Variants in CAST observed in about 807,000 individuals in gnomAD.
The protein encoded by CAST is MIR583 host.
Under a neutral mutation model 119.6 loss-of-function variants are expected in CAST, and 76 were observed. That is an observed-to-expected ratio of 0.64 (90% CI 0.53 to 0.77). The LOEUF (loss-of-function observed/expected upper bound fraction) is 0.77. Among genes scored for constraint, CAST ranks in the 30% least tolerant of loss-of-function variants. The probability of loss-of-function intolerance (pLI) is 0.00; values close to 1 mark genes in which losing one functional copy is unlikely to be tolerated. For synonymous variants in CAST, 319 were observed against 331.6 expected, an observed-to-expected ratio of 0.96 and a Z score of 0.41; for missense variants, 953 against 946.5, an observed-to-expected ratio of 1.01 and a Z score of -0.09.
At chr5:96,349,138 T>TA in the CAST span, among the ~76,000 whole-genome samples, 64 of 81,350 alleles carry the variant, frequency 7.9e-4, no homozygotes, top group African/African-American at 3.1e-3. Context: ...ACAAGGACAC[T>TA]ATTTTTTTTT....
chr5:96,228,009 G>C, the CAST span, among the ~76,000 whole-genome samples: 3 of 148,364 alleles, frequency 2.0e-5, no homozygotes, highest in Non-Finnish European at 3.0e-5. Context: ...CTCTCTGTGT[G>C]TGTGTGTGTG....
chr5:96,170,757 A>T, the CAST span, among the ~76,000 whole-genome samples: 2 of 152,312 alleles, frequency 1.3e-5, no homozygotes, highest in African/African-American at 4.8e-5. Context: ...GAGAGGTTGG[A>T]TAAAGGAAAA....
the CAST span, among the ~76,000 whole-genome samples, chr5:96,507,473 A>G: frequency 1.3e-5 from 2 of 152,180 alleles, no homozygotes; most frequent in Admixed American, 1.3e-4. Flanking sequence ...ACTTTTATAA[A>G]TGGGAATGAA....
intron 1 of CAST, among the ~76,000 whole-genome samples, chr5:96,564,204 C>T (rs1746430988): frequency 6.6e-6 from 1 of 152,146 alleles, no homozygotes; most frequent in South Asian, 2.1e-4. Flanking sequence ...GAAATAGGTA[C>T]AGTGAGGAAT....
the CAST span, among the ~76,000 whole-genome samples, chr5:96,217,978 G>GA: frequency 1.3e-5 from 2 of 152,154 alleles, no homozygotes; most frequent in East Asian, 3.8e-4. Flanking sequence ...GAAAAGTTCA[G>GA]AAAATAATAC....
chr5:96,434,105 G>A, the CAST span: 1 of 152,160 alleles, frequency 6.6e-6, no homozygotes, highest in South Asian at 2.1e-4. Context: ...TCTTCACTTT[G>A]GTGCTGAGCT....
At chr5:96,174,805 T>G in the CAST span, among the ~76,000 whole-genome samples, 1 of 152,208 alleles carries the variant, frequency 6.6e-6, no homozygotes, top group African/African-American at 2.4e-5. Flanking sequence ...ACAATCTCTG[T>G]GTGATTGGTC....
the CAST span, among the ~76,000 whole-genome samples, chr5:96,052,958 AG>A: frequency 6.6e-6 from 1 of 152,180 alleles, no homozygotes; most frequent in Non-Finnish European, 1.5e-5. Context: ...TCTTTAGAGC[AG>A]CCCTCTGAAG....
chr5:96,429,411 T>C, the CAST span: 1 of 709,704 alleles, frequency 1.4e-6, no homozygotes, highest in Non-Finnish European at 2.5e-6. Flanking sequence ...ATAGGCAACT[T>C]TTATTAAGCC....
intron 1 of CAST, chr5:96,662,878 C>A: frequency 1.8e-6 from 1 of 569,630 alleles, no homozygotes; most frequent in Non-Finnish European, 3.1e-6. Context: ...AAGGCCGGGC[C>A]GCAGGGCGTG....
At chr5:96,486,252 G>A in the CAST span, among the ~76,000 whole-genome samples, 2 of 152,226 alleles carry the variant, frequency 1.3e-5, no homozygotes, top group African/African-American at 2.4e-5. Context: ...GTATGGCAAC[G>A]TACAGCCCCA....
At chr5:96,704,880 C>CAT (rs1177447374) in intron 3 of CAST, among the ~76,000 whole-genome samples, 2 of 152,182 alleles carry the variant, frequency 1.3e-5, no homozygotes, top group Non-Finnish European at 2.9e-5. Context: ...TCTCAAAAGG[C>CAT]ATAGTCTTGG....
the CAST span, among the ~76,000 whole-genome samples, chr5:96,208,125 A>ATTTT: frequency 2.9e-4 from 39 of 132,606 alleles, no homozygotes; most frequent in African/African-American, 9.9e-4. Context: ...ATAGCCTCTG[A>ATTTT]TTTTTTTTTT....
At chr5:96,513,618 G>A in the CAST span, among the ~76,000 whole-genome samples, 3 of 152,200 alleles carry the variant, frequency 2.0e-5, no homozygotes, top group Admixed American at 1.3e-4. Context: ...CCAGTCAAGT[G>A]CTACCTCTGG....
At chr5:96,681,003 A>G (rs532422283) in intron 2 of CAST, among the ~76,000 whole-genome samples, 2 of 152,392 alleles carry the variant, frequency 1.3e-5, no homozygotes, top group South Asian at 4.1e-4. Flanking sequence ...AGAGGCCAGC[A>G]CAGGCTCGCA....
At chr5:96,542,605 A>G (rs1247068417) in intron 1 of CAST, among the ~76,000 whole-genome samples, 2 of 152,168 alleles carry the variant, frequency 1.3e-5, no homozygotes, top group Admixed American at 6.5e-5. Flanking sequence ...TTCATGAGAT[A>G]TATGTTCTTA....
chr5:95,999,261 G>T, the CAST span, among the ~76,000 whole-genome samples: 4 of 151,802 alleles, frequency 2.6e-5, no homozygotes, highest in South Asian at 2.1e-4. Context: ...GGCTTGTTTT[G>T]CCTTGCATAA....
In CAST at chr5:96,735,098, C is replaced by G. The variant is rs546339865; in HGVS notation, c.631-1074C>G. On this transcript the variant is annotated intron_variant, in intron 9 of 31. Transcript: ENST00000675179. The stretch of plus-strand genomic sequence containing the variant: ...CAGACTCAGGCTCACACCCTAGTGG[C>G]CCCCACAGTGTTTCTAGCATTGCAA... Among the ~76,000 whole-genome samples the G allele has an allele frequency of 2.6e-5, 4 of 152,268 alleles. No homozygotes were observed. In the East Asian group the frequency reaches 7.7e-4, roughly 29 times the overall value.
At chr5:96,577,912 A>G (rs1746703009) in intron 1 of CAST, among the ~76,000 whole-genome samples, 1 of 152,124 alleles carries the variant, frequency 6.6e-6, no homozygotes, top group Non-Finnish European at 1.5e-5. Flanking sequence ...TGCCATATAT[A>G]TATTTTTTGA....
Sources: allele counts gnomAD v4.1 joint callset (sites outside exome capture counted in the v4.1 genomes callset), GRCh38; gene constraint gnomAD v4.1.1; transcripts MANE v1.5; gene names NCBI Gene and HGNC (gene_info 2026-07-23, HGNC 2026-07-21).